The following TMTC1 variants were observed in gnomAD, a reference collection of about 807,000 sequenced individuals.
TMTC1 encodes protein O-mannosyl-transferase TMTC1.
A neutral mutation model predicts 104.8 loss-of-function variants in TMTC1; 73 were observed. The ratio of observed to expected loss-of-function variants is 0.70; its 90% CI spans 0.58 to 0.85. The LOEUF is 0.85. Ranked by LOEUF, TMTC1 falls within the 40% of genes least tolerant of loss-of-function variation. TMTC1 has a pLI of 0.00. For synonymous variants in TMTC1, 434 were observed against 428.7 expected (o/e 1.01, Z -0.15); for missense variants, 1,035 against 1,096.1 (o/e 0.94, Z 0.79).
chr12:29,608,407 A>G (rs1946758697), intron 6 of TMTC1, among the ~76,000 whole-genome samples: 1 of 152,226 alleles, frequency 6.6e-6, no homozygotes, highest in African/African-American at 2.4e-5. Flanking sequence ...AGGACAAAGA[A>G]CGAATGGAAA....
Position 29,761,626 on chromosome 12 carries a change from G to T in TMTC1, c.481-2849C>A, listed in dbSNP as rs568010585. Among the ~76,000 whole-genome samples the T allele has an allele frequency of 3.3e-5, 5 of 150,766 alleles. No individual in the cohort carries two copies. The South Asian group carries it at 1.1e-3, about 32-fold the overall frequency. ...AAATAAGAGAGTCAAGGGAAAAAAT[G>T]GGATATAGCTTTTTAAAAATGCTCC... On this transcript the variant is annotated intron_variant, in intron 2 of 17. Coordinates refer to ENST00000539277, the MANE Select transcript of TMTC1 (RefSeq NM_001193451.2).
chr12:29,535,873 C>T (rs972193660), intron 11 of TMTC1: 7 of 256,682 alleles, frequency 2.7e-5, no homozygotes, highest in Non-Finnish European at 7.4e-6. Flanking sequence ...GTTCAGCGAT[C>T]TTAGACCACT....
intron 3 of TMTC1, among the ~76,000 whole-genome samples, chr12:29,757,245 G>C (rs895233821): frequency 6.6e-6 from 1 of 152,182 alleles, no homozygotes; most frequent in East Asian, 1.9e-4. Flanking sequence ...ACAAGGTCTA[G>C]ATTGGTTTGT....
intron 9 of TMTC1, among the ~76,000 whole-genome samples, chr12:29,569,929 C>T (rs532278116): frequency 1.3e-5 from 2 of 152,244 alleles, no homozygotes; most frequent in South Asian, 2.1e-4. Context: ...AGCAAAGAAA[C>T]GGAAGTACCC....
At chr12:29,548,924 A>C (rs1048000589) in intron 10 of TMTC1, among the ~76,000 whole-genome samples, 1 of 144,190 alleles carries the variant, frequency 6.9e-6, no homozygotes, top group African/African-American at 2.5e-5. Flanking sequence ...TTTACATATT[A>C]TATAATATGT....
chr12:29,668,996 A>G (rs919045909), intron 5 of TMTC1, among the ~76,000 whole-genome samples: 1 of 152,202 alleles, frequency 6.6e-6, no homozygotes, highest in Non-Finnish European at 1.5e-5. Flanking sequence ...AAAAAATGGT[A>G]AGAAGGAGAA....
intron 10 of TMTC1, among the ~76,000 whole-genome samples, chr12:29,554,012 G>T (rs1945173381): frequency 2.0e-5 from 3 of 152,254 alleles, no homozygotes; most frequent in African/African-American, 7.2e-5. Flanking sequence ...TCATCTATAT[G>T]ATTTTTGAAT....
intron 8 of TMTC1, among the ~76,000 whole-genome samples, chr12:29,577,963 T>G (rs1161707590): frequency 6.6e-6 from 1 of 152,134 alleles, no homozygotes; most frequent in Non-Finnish European, 1.5e-5. Context: ...TTTTTCTATC[T>G]AGAACTAAAT....
At chr12:29,645,667 A>T (rs570469744) in intron 5 of TMTC1, among the ~76,000 whole-genome samples, 1 of 152,316 alleles carries the variant, frequency 6.6e-6, no homozygotes, top group South Asian at 2.1e-4. Context: ...TTCTCGCTAT[A>T]AAGGATTTAA....
At chr12:29,643,829 T>TTA (rs765197893) in intron 5 of TMTC1, among the ~76,000 whole-genome samples, 1 of 75,292 alleles carries the variant, frequency 1.3e-5, no homozygotes, top group Non-Finnish European at 2.4e-5. Flanking sequence ...ATTTATATAT[T>TTA]TATATATATT....
chr12:29,770,110 A>C (rs2120534306), intron 1 of TMTC1, among the ~76,000 whole-genome samples: 1 of 152,154 alleles, frequency 6.6e-6, no homozygotes, highest in South Asian at 2.1e-4. Flanking sequence ...TTAGATAATA[A>C]ATTTGGATCA....
At chr12:29,552,490 G>GTGA (rs1945132214) in intron 10 of TMTC1, among the ~76,000 whole-genome samples, 1 of 152,190 alleles carries the variant, frequency 6.6e-6, no homozygotes, top group Non-Finnish European at 1.5e-5. Flanking sequence ...CTACTGGGCA[G>GTGA]TGATGCTGCA....
intron 6 of TMTC1, among the ~76,000 whole-genome samples, chr12:29,616,453 C>A (rs1396840349): frequency 6.6e-6 from 1 of 152,064 alleles, no homozygotes; most frequent in African/African-American, 2.4e-5. Flanking sequence ...AGGTGGATCA[C>A]CTGAGGTCAA....
intron 1 of TMTC1, among the ~76,000 whole-genome samples, chr12:29,776,947 G>C (rs964011966): frequency 2.6e-5 from 4 of 152,326 alleles, no homozygotes; most frequent in South Asian, 4.1e-4. Flanking sequence ...CTGGTGCAGA[G>C]AATGAGGTGG....
chr12:29,542,265 T>C (rs1351460586), intron 10 of TMTC1, among the ~76,000 whole-genome samples: 1 of 152,154 alleles, frequency 6.6e-6, no homozygotes, highest in Non-Finnish European at 1.5e-5. Context: ...ACTCATGTGA[T>C]ACTAAAGACA....
rs576318413 is a variant in TMTC1, at chr12:29,632,998, A to G, written c.1128+149T>C. 1.1e-4 allele frequency: 60 copies of G among 558,152 alleles called. No homozygotes were observed. The South Asian group carries it at 2.2e-3, about 20-fold the overall frequency. 34.6% of individuals were successfully genotyped at this position (558,152 alleles called of 1,614,324 possible). On this transcript the variant is annotated intron_variant, in intron 6 of 17. Coordinates refer to ENST00000539277, the MANE Select transcript of TMTC1 (RefSeq NM_001193451.2). ...CAGTCAAAAAATCTATAAGGTGGCCATGGTATGTTATTACCCGCTACAAAA... is the reference window on the plus strand; with the variant it reads ...CAGTCAAAAAATCTATAAGGTGGCCGTGGTATGTTATTACCCGCTACAAAA...
intron 5 of TMTC1, among the ~76,000 whole-genome samples, chr12:29,659,169 C>T (rs919416675): frequency 3.9e-5 from 6 of 152,226 alleles, no homozygotes; most frequent in Non-Finnish European, 7.3e-5. Context: ...ATTCTCTGCA[C>T]ACTGTTCTGT....
intron 7 of TMTC1, among the ~76,000 whole-genome samples, chr12:29,591,297 A>G (rs1482023623): frequency 6.6e-6 from 1 of 152,142 alleles, no homozygotes; most frequent in Admixed American, 6.6e-5. Context: ...GGGGCAGGAC[A>G]TGGCCTCCTT....
At chr12:29,571,210 TAA>T (rs968372852) in intron 9 of TMTC1, among the ~76,000 whole-genome samples, 1 of 152,142 alleles carries the variant, frequency 6.6e-6, no homozygotes, top group Non-Finnish European at 1.5e-5. Flanking sequence ...TAGTATTTAA[TAA>T]AAGAGAGGAT....
Sources: gnomAD v4.1 joint callset for allele counts (sites outside exome capture counted in the v4.1 genomes callset) on GRCh38, gnomAD v4.1.1 for gene constraint, MANE v1.5 for transcripts, NCBI Gene and HGNC (gene_info 2026-07-23, HGNC 2026-07-21) for gene names.